The following ARB2A variants were observed in gnomAD, a reference collection of about 807,000 sequenced individuals.
The protein encoded by ARB2A is cotranscriptional regulator ARB2A.
chr5:93,742,669 C>T, the ARB2A span, among the ~76,000 whole-genome samples: 2 of 152,196 alleles, frequency 1.3e-5, no homozygotes, highest in African/African-American at 4.8e-5. Flanking sequence ...TCTATTGAAA[C>T]TGGTCTTCTT....
chr5:93,909,752 C>T, the ARB2A span, among the ~76,000 whole-genome samples: 1 of 150,510 alleles, frequency 6.6e-6, no homozygotes, highest in Non-Finnish European at 1.5e-5. Flanking sequence ...TGAAAGCCCC[C>T]CTACTTAAAT....
At chr5:93,958,848 C>A in the ARB2A span, 2 of 1,607,028 alleles carry the variant, frequency 1.2e-6, no homozygotes, top group East Asian at 2.2e-5. Flanking sequence ...AGTCTTCTAG[C>A]CCACTGCCCT....
chr5:93,901,163 A>G, the ARB2A span, among the ~76,000 whole-genome samples: 12 of 152,186 alleles, frequency 7.9e-5, no homozygotes, highest in Admixed American at 6.6e-4. Context: ...ACATTTGAAA[A>G]CAGACAATAA....
the ARB2A span, among the ~76,000 whole-genome samples, chr5:93,626,044 A>G: frequency 6.6e-6 from 1 of 152,222 alleles, no homozygotes; most frequent in Non-Finnish European, 1.5e-5. Flanking sequence ...AAGTAATCAA[A>G]GTATGCTACT....
the ARB2A span, chr5:93,741,376 A>ATCC: frequency 6.2e-7 from 1 of 1,612,336 alleles, no homozygotes; most frequent in Non-Finnish European, 8.5e-7. Context: ...ACCCAGGGGA[A>ATCC]TCCTCCACAC....
chr5:93,679,433 TG>T, the ARB2A span, among the ~76,000 whole-genome samples: 1 of 152,124 alleles, frequency 6.6e-6, no homozygotes. Context: ...GCCATGGCAA[TG>T]GAGGCTTTCT....
chr5:93,861,986 A>G, the ARB2A span: 1 of 152,230 alleles, frequency 6.6e-6, no homozygotes, highest in Non-Finnish European at 1.5e-5. Flanking sequence ...GTAATAGAGA[A>G]CTTGGAACTA....
the ARB2A span, among the ~76,000 whole-genome samples, chr5:93,869,971 G>A: frequency 6.6e-6 from 1 of 152,180 alleles, no homozygotes; most frequent in Non-Finnish European, 1.5e-5. Context: ...CCTGTTTGGT[G>A]GTCTCTTCAC....
the ARB2A span, among the ~76,000 whole-genome samples, chr5:93,793,820 G>A: frequency 6.6e-6 from 1 of 152,152 alleles, no homozygotes; most frequent in Non-Finnish European, 1.5e-5. Flanking sequence ...AGAAATTAAG[G>A]TGACATGCAG....
At chr5:93,621,163 C>T in the ARB2A span, 27 of 1,556,738 alleles carry the variant, frequency 1.7e-5, no homozygotes, top group Admixed American at 2.9e-4. Context: ...TACCAGGTGG[C>T]CACGCGGGGC....
At chr5:93,823,706 A>G in the ARB2A span, among the ~76,000 whole-genome samples, 1 of 152,180 alleles carries the variant, frequency 6.6e-6, no homozygotes, top group Non-Finnish European at 1.5e-5. Context: ...TGTCACCATA[A>G]AATAAAGTAG....
At chr5:94,024,690 G>A in the ARB2A span, among the ~76,000 whole-genome samples, 2 of 152,136 alleles carry the variant, frequency 1.3e-5, no homozygotes, top group African/African-American at 4.8e-5. Context: ...ACAAAGGAGA[G>A]AGAGGTCATT....
chr5:94,054,745 A>C, the ARB2A span, among the ~76,000 whole-genome samples: 1 of 152,196 alleles, frequency 6.6e-6, no homozygotes, highest in Admixed American at 6.5e-5. Flanking sequence ...ATATTATTGG[A>C]ATTATTCTGT....
the ARB2A span, among the ~76,000 whole-genome samples, chr5:93,797,299 T>C: frequency 6.6e-6 from 1 of 152,150 alleles, no homozygotes; most frequent in Non-Finnish European, 1.5e-5. Context: ...GTCTATTCCT[T>C]AGCACTTCTT....
At chr5:93,708,999 G>A in the ARB2A span, among the ~76,000 whole-genome samples, 26 of 151,996 alleles carry the variant, frequency 1.7e-4, no homozygotes, top group African/African-American at 5.8e-4. Context: ...AATTTGCTAA[G>A]AAAGTAGATG....
chr5:94,054,829 A>G, the ARB2A span, among the ~76,000 whole-genome samples: 1 of 152,202 alleles, frequency 6.6e-6, no homozygotes, highest in Admixed American at 6.5e-5. Flanking sequence ...GGACTTGTGG[A>G]CACTTATTGT....
chr5:93,775,169 T>C, the ARB2A span, among the ~76,000 whole-genome samples: 1 of 152,140 alleles, frequency 6.6e-6, no homozygotes, highest in East Asian at 1.9e-4. Context: ...TCAGTTGAAG[T>C]TTAGGTATTA....
chr5:93,641,234 CT>C, the ARB2A span, among the ~76,000 whole-genome samples: 14 of 149,282 alleles, frequency 9.4e-5, no homozygotes, highest in Non-Finnish European at 1.5e-4. Flanking sequence ...CATGAAAGTT[CT>C]TTTTTTTTCA....
At chr5:93,821,737 C>T in the ARB2A span, among the ~76,000 whole-genome samples, 1 of 151,782 alleles carries the variant, frequency 6.6e-6, no homozygotes, top group East Asian at 1.9e-4. Context: ...CACAGTGGAC[C>T]TAAACATATT....
Sources: allele counts gnomAD v4.1 joint callset (sites outside exome capture counted in the v4.1 genomes callset), GRCh38; gene constraint gnomAD v4.1.1; transcripts MANE v1.5; gene names NCBI Gene and HGNC (gene_info 2026-07-23, HGNC 2026-07-21).